The following FAM193B variants were observed in gnomAD, a reference collection of about 807,000 sequenced individuals.
FAM193B encodes family with sequence similarity 193 member B.
In FAM193B, 27 loss-of-function variants were observed where a neutral mutation model predicts 70.7. The observed-to-expected ratio is 0.38, with a 90% confidence interval of 0.28 to 0.53. FAM193B has a LOEUF of 0.53. Ranked by LOEUF, FAM193B falls within the 20% of genes least tolerant of loss-of-function variation. FAM193B has a pLI of 0.81. For missense variants in FAM193B, 1,022 were observed against 1,072.5 expected, an observed-to-expected ratio of 0.95 and a Z score of 0.66; for synonymous variants, 448 against 436.0, an observed-to-expected ratio of 1.03 and a Z score of -0.34.
chr5:177,550,730 T>G (rs1205848699), intron 1 of FAM193B, among the ~76,000 whole-genome samples: 1 of 152,196 alleles, frequency 6.6e-6, no homozygotes, highest in African/African-American at 2.4e-5. Flanking sequence ...GCCAGAACAC[T>G]CAGGCTTTGT....
intron 4 of FAM193B, among the ~76,000 whole-genome samples, chr5:177,535,327 C>T (rs1434270146): frequency 6.6e-6 from 1 of 152,206 alleles, no homozygotes; most frequent in South Asian, 2.1e-4. Context: ...TGAAAACCGG[C>T]GGGTGGCAGA....
rs563986235 is a variant in FAM193B at position 177,524,317 on chromosome 5, C to T, written c.2164G>A (p.Glu722Lys). 50 of 1,585,398 alleles carry T rather than the reference C, an allele frequency of 3.2e-5. No individual in the cohort carries two copies. Among genetic ancestry groups the T allele is most frequent in the African/African-American group, 5.4e-5 (4 of 74,322 alleles). Residue 722 changes from glutamate (E) to lysine (K), a missense_variant, in exon 6 of 9, where the codon GAG (glutamate) becomes AAG (lysine). By Grantham distance (56) the Glu-to-Lys change is moderately conservative. Transcript: ENST00000514747. ...KGSSWRNWPG[E>K]AKARPQEQES... ...TGCTCCTGAGGCCGTGCCTTGGCCT[C>T]GCCTGGCCAGTTTCGCCAGGAGCTG...
intron 1 of FAM193B, among the ~76,000 whole-genome samples, chr5:177,551,793 G>T (rs1338368055): frequency 6.6e-6 from 1 of 152,200 alleles, no homozygotes; most frequent in Non-Finnish European, 1.5e-5. Flanking sequence ...TATCCACTCT[G>T]TAGATGTAAG....
chr5:177,538,958 G>C lies in FAM193B; in HGVS notation c.400C>G (p.Arg134Gly). 1 of 1,613,966 alleles carries C rather than the reference G, an allele frequency of 6.2e-7. No homozygotes were observed. Among genetic ancestry groups the C allele is most frequent in the Non-Finnish European group, 8.5e-7 (1 of 1,179,884 alleles). ...EMPLWVCQSC[R>G]KSMEEDERQT... is the part of the protein sequence containing the mutation. ...CTTTCATCTTCCTCCATGCTCTTTC[G>C]GCAACTCTGGCAGACCCACAGAGGC... The change falls in exon 2 of 9, where the codon CGA (arginine) becomes GGA (glycine). Residue 134 changes from arginine to glycine, a missense_variant. Physicochemically the swap from Arg to Gly is moderately radical, Grantham distance 125. Transcript: ENST00000514747. This position sits in a 1 kb window ranked among gnomAD's most constrained non-coding sequence, Gnocchi z 4.1.
At chr5:177,522,551 G>C (rs1761925305) in intron 7 of FAM193B, among the ~76,000 whole-genome samples, 1 of 151,762 alleles carries the variant, frequency 6.6e-6, no homozygotes, top group South Asian at 2.1e-4. Context: ...TATTGCCCAG[G>C]CTGGTCTTGA....
rs1012816460 is a variant in FAM193B, at chr5:177,521,422, A to G, written c.*1+552T>C. Among the ~76,000 whole-genome samples the G allele has an allele frequency of 7.9e-5, 12 of 152,326 alleles. No individual in the cohort carries two copies. In the Middle Eastern group the frequency reaches 0.01, roughly 130 times the overall value. The stretch of plus-strand genomic sequence containing the variant: ...CCTCTAGGAGGCACTGTGGCTACCA[A>G]TATCCTCATGGAGCTTGCCCTGCTT... On this transcript the variant is annotated intron_variant, in intron 8 of 8. Coordinates refer to ENST00000514747, the MANE Select transcript of FAM193B (RefSeq NM_001190946.3).
At position 177,539,051 on chromosome 5, in the gene FAM193B, C is replaced by G; in HGVS notation, c.307G>C (p.Val103Leu). ...WEEGPSQNGL[V>L]LQGEKLPPDF... ...GGGGGCAGCTTCTCACCCTGCAACA[C>G]CAGTCCATTTTGAGAAGGGCCTTCT... The change falls in exon 2 of 9, where the codon GTG (valine) becomes CTG (leucine). Residue 103 changes from valine (V) to leucine (L), a missense_variant. By Grantham distance (32) the Val-to-Leu change is conservative. Transcript: ENST00000514747. The G allele has an allele frequency of 6.2e-7, 1 of 1,614,014 alleles. No homozygotes were observed. The highest frequency in any genetic ancestry group is 1.1e-5 in the South Asian group (1 of 91,072).
At chr5:177,537,585 TCAGA>T (rs1285411169) in intron 3 of FAM193B, among the ~76,000 whole-genome samples, 1 of 152,182 alleles carries the variant, frequency 6.6e-6, no homozygotes, top group African/African-American at 2.4e-5. Context: ...CACTTTCTAC[TCAGA>T]CAGACCTCAC....
chr5:177,551,115 G>C (rs1473532137), intron 1 of FAM193B, among the ~76,000 whole-genome samples: 2 of 152,174 alleles, frequency 1.3e-5, no homozygotes, highest in East Asian at 3.9e-4. Flanking sequence ...GATTACAGGC[G>C]TGAGCCACCA....
At chr5:177,527,867 C>T (rs777223371) in intron 5 of FAM193B, among the ~76,000 whole-genome samples, 51 of 152,258 alleles carry the variant, frequency 3.3e-4, no homozygotes, top group Non-Finnish European at 5.7e-4. Flanking sequence ...CAGGCCTGTT[C>T]GGAGAAAGAC....
chr5:177,552,129 C>T, intron 1 of FAM193B: 1 of 928,048 alleles, frequency 1.1e-6, no homozygotes, highest in Non-Finnish European at 1.3e-6. Context: ...TCTGTTTCTT[C>T]ATCTGAAAAA....
chr5:177,530,456 G>C (rs979281459), intron 5 of FAM193B, among the ~76,000 whole-genome samples: 1 of 152,130 alleles, frequency 6.6e-6, no homozygotes, highest in African/African-American at 2.4e-5. Context: ...TCAGATCAAA[G>C]GCCCATCACT....
intron 1 of FAM193B, among the ~76,000 whole-genome samples, chr5:177,548,581 G>A (rs1765773246): frequency 6.6e-6 from 1 of 152,164 alleles, no homozygotes; most frequent in Non-Finnish European, 1.5e-5. Context: ...CCCAGACCCA[G>A]TCACATGTCA....
At chr5:177,531,529 T>TG (rs747256809) in intron 5 of FAM193B, 27 of 487,972 alleles carry the variant, frequency 5.5e-5, no homozygotes, top group South Asian at 1.1e-4. Context: ...TGGCTGGGGG[T>TG]GGGGGGGAGG....
Position 177,537,956 on chromosome 5 carries a change from T to C in FAM193B, c.605A>G (p.His202Arg), listed in dbSNP as rs1279034111. Reference sequence around the variant, plus strand: ...GGAATTCCAGAGGCCCGAGAGCTTATGTGCCGACAGGAACGAGCTAGGATC... The same window carrying C: ...GGAATTCCAGAGGCCCGAGAGCTTACGTGCCGACAGGAACGAGCTAGGATC... The part of the protein sequence containing the change: ...DWDPSSFLSA[H>R]KLSGLWNSPH... Residue 202 changes from histidine to arginine, a missense_variant, in exon 3 of 9, where the codon CAT becomes CGT. His to Arg is a conservative substitution (Grantham distance 29, BLOSUM62 0). Coordinates refer to ENST00000514747, the MANE Select transcript of FAM193B (RefSeq NM_001190946.3). 3.8e-6 allele frequency: 6 copies of C among 1,573,368 alleles called. No individual in the cohort carries two copies. The highest frequency in any genetic ancestry group is 4.3e-6 in the Non-Finnish European group (5 of 1,159,302).
At chr5:177,531,536 G>A (rs1193711848) in intron 5 of FAM193B, 3 of 1,047,042 alleles carry the variant, frequency 2.9e-6, no homozygotes, top group South Asian at 1.3e-5. Flanking sequence ...GGGTGGGGGG[G>A]AGGTGCTGAC....
intron 5 of FAM193B, among the ~76,000 whole-genome samples, chr5:177,528,321 G>A (rs1002890584): frequency 6.6e-6 from 1 of 152,220 alleles, no homozygotes; most frequent in African/African-American, 2.4e-5. Flanking sequence ...GAGCTAATGG[G>A]TGGAAGGGAA....
In FAM193B at chr5:177,532,015, CCTCCTTCCTGGCGCCGTCTGTGCT is replaced by C; in HGVS notation, c.1275+404_1275+427del. On this transcript the variant is annotated intron_variant, in intron 5 of 8. Coordinates refer to ENST00000514747, the MANE Select transcript of FAM193B (RefSeq NM_001190946.3). The surrounding 1 kb of genome is among the most constrained non-coding windows in gnomAD (Gnocchi z 4.9). ...GAGCCAGCATGCCCTCTGATCTGAG[CCTCCTTCCTGGCGCCGTCTGTGCT>C]CACGGCCTGTCCCTCGGCTGGCTGT... The C allele has an allele frequency of 7.7e-7, 1 of 1,291,476 alleles. No individual in the cohort carries two copies. 80.0% of individuals were successfully genotyped at this position (1,291,476 alleles called of 1,614,324 possible).
intron 5 of FAM193B, among the ~76,000 whole-genome samples, chr5:177,525,940 C>T (rs1391448367): frequency 6.6e-6 from 1 of 152,244 alleles, no homozygotes; most frequent in Non-Finnish European, 1.5e-5. Flanking sequence ...CCTCTCCATC[C>T]CACCTCAAGG....
Sources: allele counts gnomAD v4.1 joint callset (sites outside exome capture counted in the v4.1 genomes callset), GRCh38; gene constraint gnomAD v4.1.1; non-coding constraint Gnocchi (gnomAD v3.1); transcripts MANE v1.5; gene names NCBI Gene and HGNC (gene_info 2026-07-23, HGNC 2026-07-21).